Variants in ACACB observed in about 807,000 individuals in gnomAD.
ACACB encodes acetyl-CoA carboxylase beta.
ACACB carries 209 observed loss-of-function variants against 278.8 expected under a neutral mutation model. The ratio of observed to expected loss-of-function variants is 0.75; its 90% confidence interval spans 0.67 to 0.84. ACACB has a LOEUF of 0.84. ACACB is among the 40% of genes least tolerant of loss of function. ACACB has a pLI of 0.00. For missense variants in ACACB, 2,850 were observed against 3,269.0 expected (o/e 0.87, Z 3.13); for synonymous variants, 1,174 against 1,285.6 (o/e 0.91, Z 1.86).
At chr12:109,219,543 T>C (rs941854603) in intron 24 of ACACB, among the ~76,000 whole-genome samples, 6 of 152,176 alleles carry the variant, frequency 3.9e-5, no homozygotes, top group Admixed American at 3.9e-4. Flanking sequence ...TAGATAATAT[T>C]ATTGGTTTAA....
rs149136778 is a variant in ACACB, at chr12:109,148,136, G to T, written c.653+8078G>T. Among the ~76,000 whole-genome samples the T allele has an allele frequency of 2.1e-3, 327 of 152,288 alleles. 2 individuals carry two copies. Among genetic ancestry groups the T allele is most frequent in the Non-Finnish European group, 3.4e-3 (233 of 68,028 alleles). On this transcript the variant is annotated intron_variant, in intron 2 of 52. Coordinates refer to ENST00000338432, the MANE Select transcript of ACACB (RefSeq NM_001093.4). ...CCCTTTGGGTTGATCTCAGGGCAGG[G>T]ATTAGAACTTGGCCTTTCCTTGGAC...
chr12:109,253,330 T>C (rs2047145523), intron 43 of ACACB, among the ~76,000 whole-genome samples, 172 bp downstream of exon 43: 1 of 152,230 alleles, frequency 6.6e-6, no homozygotes, highest in African/African-American at 2.4e-5. Context: ...TGCCCAGCCC[T>C]GTACTAGGTG....
intron 37 of ACACB, 116 bp from the exon 38 acceptor site, chr12:109,245,510 G>A: frequency 1.8e-6 from 2 of 1,092,452 alleles, no homozygotes; most frequent in South Asian, 4.3e-5. Flanking sequence ...GATTCAAAAA[G>A]AGAGAGTGAA....
Position 109,262,473 on chromosome 12 carries a change from AG to A in ACACB, c.6787+9del. Reference sequence around the variant, plus strand: ...AAGAAGCTCATGGAACAGCTAGGTAAGGGGGTCCCAAAGGCTTCACCTCTCA... The same window carrying A: ...AAGAAGCTCATGGAACAGCTAGGTAAGGGGTCCCAAAGGCTTCACCTCTCA... On this transcript the variant is annotated splice_donor_5th_base_variant and intron_variant, in intron 49 of 52. Transcript: ENST00000338432. 1 of 1,608,580 alleles carries A rather than the reference AG, an allele frequency of 6.2e-7. No homozygotes were observed. Among genetic ancestry groups the A allele is most frequent in the African/African-American group, 1.3e-5 (1 of 74,928 alleles).
chr12:109,194,014 G>T (rs1039143976), intron 16 of ACACB, among the ~76,000 whole-genome samples: 1 of 152,170 alleles, frequency 6.6e-6, no homozygotes, highest in African/African-American at 2.4e-5. Context: ...AAAATTTATT[G>T]TGTCCCAGTT....
At position 109,212,955 on chromosome 12, in the gene ACACB, C is replaced by T. The variant is rs1162725633; in HGVS notation, c.3350+19C>T. The T allele has an allele frequency of 8.7e-6, 14 of 1,606,456 alleles. No homozygotes were observed. Among genetic ancestry groups the T allele is most frequent in the African/African-American group, 8.0e-5 (6 of 74,780 alleles). On this transcript the variant is annotated intron_variant, in intron 22 of 52. Transcript: ENST00000338432. Reference sequence around the variant, plus strand: ...TCCAGAGGTGAATCCTGGGTCTCCCCGTAGGATGTGGTTGTCACCTGAATC... The same window carrying T: ...TCCAGAGGTGAATCCTGGGTCTCCCTGTAGGATGTGGTTGTCACCTGAATC...
At chr12:109,149,663 G>C (rs1420567851) in intron 2 of ACACB, among the ~76,000 whole-genome samples, 1 of 152,168 alleles carries the variant, frequency 6.6e-6, no homozygotes, top group East Asian at 1.9e-4. Flanking sequence ...GCAAGAGAGA[G>C]GACACACTAA....
intron 22 of ACACB, among the ~76,000 whole-genome samples, chr12:109,214,963 G>C (rs1446742935): frequency 6.6e-6 from 1 of 152,102 alleles, no homozygotes; most frequent in Non-Finnish European, 1.5e-5. Flanking sequence ...AGGCTTGGTG[G>C]TGGCCACCTG....
In ACACB at chr12:109,157,904, G is replaced by A. The variant is rs73415125; in HGVS notation, c.654-8957G>A. Among the ~76,000 whole-genome samples the A allele has an allele frequency of 6.7e-3, 1,025 of 152,268 alleles. 19 individuals are homozygous for A. The highest frequency in any genetic ancestry group is 0.023 in the African/African-American group (964 of 41,554). ...GGAGGCAGAAGTTGTTTTTTAATGA[G>A]TCCCATTTCACTGCCATGCAATTCT... is the stretch of plus-strand genomic sequence containing the variant. On this transcript the variant is annotated intron_variant, in intron 2 of 52. Transcript: ENST00000338432.
At position 109,239,903 on chromosome 12, in the gene ACACB, C is replaced by T. The variant is rs1045179377; in HGVS notation, c.4736C>T (p.Ala1579Val). The T allele has an allele frequency of 3.1e-6, 5 of 1,614,028 alleles. No individual in the cohort carries two copies. Among genetic ancestry groups the T allele is most frequent in the African/African-American group, 2.7e-5 (2 of 74,928 alleles). The change falls in exon 35 of 53, where the codon GCG becomes GTG. Residue 1579 changes from alanine (A) to valine (V), a missense_variant. Around this residue, in one of 3 missense-constraint regions of ACACB, gnomAD observed 2,265 missense variants for 2,561.3 expected, o/e 0.88. Coordinates refer to ENST00000338432, the MANE Select transcript of ACACB (RefSeq NM_001093.4). ...GAGGCCATGGACGAGCTGGAGGTGG[C>T]GTTCAATAACACCAGCGTGCGCACC... ...LLEAMDELEVAFNNTSVRTDC... is the reference protein window; with the variant it reads ...LLEAMDELEVVFNNTSVRTDC...
At chr12:109,116,953 G>A (rs2042416680) in intron 1 of ACACB, among the ~76,000 whole-genome samples, 1 of 150,700 alleles carries the variant, frequency 6.6e-6, no homozygotes, top group Non-Finnish European at 1.5e-5. Context: ...TCCCATATAA[G>A]TTCCACAACG....
intron 24 of ACACB, among the ~76,000 whole-genome samples, chr12:109,219,508 G>A (rs2046100408): frequency 6.6e-6 from 1 of 152,050 alleles, no homozygotes. Flanking sequence ...TTTCCCTGTG[G>A]GAAACCTAAA....
intron 2 of ACACB, among the ~76,000 whole-genome samples, chr12:109,164,941 A>G (rs2043850716): frequency 6.6e-6 from 1 of 152,046 alleles, no homozygotes; most frequent in African/African-American, 2.4e-5. Flanking sequence ...CCAGAGGGTA[A>G]ACCAAGGAAG....
At chr12:109,262,143 T>C (rs142123791) in intron 48 of ACACB, among the ~76,000 whole-genome samples, 21 of 152,240 alleles carry the variant, frequency 1.4e-4, no homozygotes, top group African/African-American at 4.8e-4. Flanking sequence ...TTTTAAACAG[T>C]TGGCTCAGTC....
intron 2 of ACACB, among the ~76,000 whole-genome samples, chr12:109,147,940 A>C (rs2043283312): frequency 6.6e-6 from 1 of 152,192 alleles, no homozygotes; most frequent in Non-Finnish European, 1.5e-5. Flanking sequence ...TTCTCCTTGT[A>C]TCTTGTGACT....
chr12:109,262,536 G>T (rs2047406200), intron 49 of ACACB, 67 bp downstream of exon 49: 2 of 934,322 alleles, frequency 2.1e-6, no homozygotes, highest in Non-Finnish European at 1.7e-6. Flanking sequence ...ACTGCTGGGG[G>T]TTTCTAGGAT....
At chr12:109,126,375 A>G (rs1033927594) in intron 1 of ACACB, among the ~76,000 whole-genome samples, 2 of 152,190 alleles carry the variant, frequency 1.3e-5, no homozygotes, top group Non-Finnish European at 2.9e-5. Flanking sequence ...GGGATGGCAG[A>G]TTCACCACAT....
At chr12:109,175,823 A>G (rs2044264319) in intron 7 of ACACB, 108 bp from the exon 8 acceptor site, 3 of 891,124 alleles carry the variant, frequency 3.4e-6, no homozygotes, top group Non-Finnish European at 3.6e-6. Flanking sequence ...CCGCTGGTCC[A>G]GAAGCCCAGG....
At chr12:109,111,512 T>G in the ACACB span, 1 of 151,714 alleles carries the variant, frequency 6.6e-6, no homozygotes, top group African/African-American at 2.4e-5. Flanking sequence ...GATCCCCCAG[T>G]GTCCGAAGAA....
Sources: allele counts gnomAD v4.1 joint callset (sites outside exome capture counted in the v4.1 genomes callset), GRCh38; gene constraint gnomAD v4.1.1; regional missense constraint gnomAD v4.1.1; transcripts MANE v1.5; gene names NCBI Gene and HGNC (gene_info 2026-07-23, HGNC 2026-07-21).